The following PRKCI variants were observed in gnomAD, a reference collection of about 807,000 sequenced individuals.
PRKCI encodes protein kinase C iota type.
In PRKCI, 43 loss-of-function variants were observed where a neutral mutation model predicts 84.0. The ratio of observed to expected loss-of-function variants is 0.51; its 90% CI spans 0.40 to 0.66. The LOEUF (loss-of-function observed/expected upper bound fraction) is 0.66, where lower values mean the gene tolerates loss of function less well. PRKCI is among the 30% of genes least tolerant of loss of function. The probability of loss-of-function intolerance (pLI) is 0.00; values close to 1 mark genes in which losing one functional copy is unlikely to be tolerated. For missense variants in PRKCI, 459 were observed against 745.6 expected (o/e 0.62, Z 4.48); for synonymous variants, 216 against 234.4 (o/e 0.92, Z 0.72).
chr3:170,288,470 C>A (rs1376729286), intron 12 of PRKCI, among the ~76,000 whole-genome samples: 1 of 152,140 alleles, frequency 6.6e-6, no homozygotes, highest in African/African-American at 2.4e-5. Flanking sequence ...CTGCCTAGGG[C>A]GGGTGCAGTG....
chr3:170,241,214 T>C (rs189688629), intron 2 of PRKCI, among the ~76,000 whole-genome samples: 52 of 152,150 alleles, frequency 3.4e-4, no homozygotes, highest in African/African-American at 8.2e-4. Context: ...TCCACTCTTT[T>C]TGTTATTTTG....
At chr3:170,281,331 C>A in intron 10 of PRKCI, 68 bp downstream of exon 10, 1 of 1,247,992 alleles carries the variant, frequency 8.0e-7, no homozygotes, top group Non-Finnish European at 1.2e-6. Flanking sequence ...CAGTTAGAAC[C>A]TTTCTGCCCT....
rs143195720 is a variant in PRKCI, at chr3:170,235,914, T to C, written c.223+563T>C. On this transcript the variant is annotated intron_variant, in intron 2 of 17. Coordinates refer to ENST00000295797, the MANE Select transcript of PRKCI (RefSeq NM_002740.6). ...GTAAGCATCTCATCAAATAGTGTGA[T>C]GTTTTACTTTAATTTTGTTTTTTCT... Among the ~76,000 whole-genome samples the C allele has an allele frequency of 1.4e-3, 215 of 152,150 alleles. 3 individuals carry two copies. In the East Asian group the frequency reaches 0.036, roughly 25 times the overall value.
intron 3 of PRKCI, among the ~76,000 whole-genome samples, chr3:170,263,029 C>T (rs1352074327): frequency 6.6e-6 from 1 of 151,566 alleles, no homozygotes; most frequent in Non-Finnish European, 1.5e-5. Flanking sequence ...ATTAGCCGGG[C>T]ATGGTGGCGC....
At chr3:170,296,286 G>A (rs1734684601) in intron 15 of PRKCI, among the ~76,000 whole-genome samples, 2 of 152,074 alleles carry the variant, frequency 1.3e-5, no homozygotes, top group South Asian at 4.1e-4. Context: ...GTTAATCTTT[G>A]GGTTTAGCCA....
intron 17 of PRKCI, among the ~76,000 whole-genome samples, chr3:170,302,579 G>A (rs1577380441): frequency 6.6e-6 from 1 of 152,138 alleles, no homozygotes; most frequent in South Asian, 2.1e-4. Context: ...ATCTCCCTGC[G>A]GTGTTCTCTC....
chr3:170,255,808 T>C (rs148296919), intron 2 of PRKCI, among the ~76,000 whole-genome samples: 10 of 152,340 alleles, frequency 6.6e-5, no homozygotes, highest in African/African-American at 2.2e-4. Context: ...ATATGGCTTT[T>C]ATCGTGTTGA....
chr3:170,291,151 G>T (rs866756707), intron 12 of PRKCI, among the ~76,000 whole-genome samples: 24 of 150,586 alleles, frequency 1.6e-4, no homozygotes, highest in African/African-American at 5.9e-4. Context: ...AAAAAAAAGT[G>T]TTCTTAGGAA....
chr3:170,259,440 A>AT (rs1474706119), intron 2 of PRKCI, among the ~76,000 whole-genome samples: 2 of 152,190 alleles, frequency 1.3e-5, no homozygotes, highest in African/African-American at 4.8e-5. Context: ...CTCATGTGGT[A>AT]TTTTTATGCA....
intron 8 of PRKCI, among the ~76,000 whole-genome samples, chr3:170,276,187 A>G (rs1297921617): frequency 6.6e-6 from 1 of 151,982 alleles, no homozygotes. Flanking sequence ...AGTTCTCCCA[A>G]ATCAGCCTCT....
Position 170,270,447 on chromosome 3 carries a change from C to T in PRKCI, c.477C>T (p.Asp159=), listed in dbSNP as rs573628422. The T allele has an allele frequency of 6.2e-7, 1 of 1,613,352 alleles. No homozygotes were observed. The highest frequency in any genetic ancestry group is 1.7e-5 in the Admixed American group (1 of 59,998). ...GTGCTCACTGTGCCATCTGCACAGACCGAATATGGGGACTTGGACGCCAAG... is the reference window on the plus strand; with the variant it reads ...GTGCTCACTGTGCCATCTGCACAGATCGAATATGGGGACTTGGACGCCAAG... ...NRRAHCAICT[D]RIWGLGRQGY... Residue 159 remains aspartate (D), a synonymous_variant, in exon 6 of 18, where the codon GAC becomes GAT. Transcript: ENST00000295797.
At chr3:170,277,672 C>T (rs1205622851) in intron 8 of PRKCI, among the ~76,000 whole-genome samples, 3 of 142,764 alleles carry the variant, frequency 2.1e-5, no homozygotes, top group African/African-American at 5.3e-5. Context: ...CCAGCCTGGG[C>T]GAAAGAGCGA....
At chr3:170,259,180 T>A (rs572909675) in intron 2 of PRKCI, among the ~76,000 whole-genome samples, 12 of 152,180 alleles carry the variant, frequency 7.9e-5, no homozygotes, top group African/African-American at 2.6e-4. Context: ...AGGAATAGAT[T>A]CTGTTTGCTG....
intron 5 of PRKCI, among the ~76,000 whole-genome samples, chr3:170,269,636 A>G (rs1174825800): frequency 6.6e-6 from 1 of 152,028 alleles, no homozygotes; most frequent in Non-Finnish European, 1.5e-5. Flanking sequence ...ACAGAGCAAG[A>G]CCCTGTCTCT....
At chr3:170,223,781 T>A (rs1732558467) in intron 1 of PRKCI, among the ~76,000 whole-genome samples, 1 of 152,176 alleles carries the variant, frequency 6.6e-6, no homozygotes, top group Non-Finnish European at 1.5e-5. Context: ...CAAGCAGTGC[T>A]AGGTTGAAAT....
At chr3:170,239,789 T>G (rs1353222999) in intron 2 of PRKCI, among the ~76,000 whole-genome samples, 2 of 148,542 alleles carry the variant, frequency 1.3e-5, no homozygotes, top group Non-Finnish European at 3.0e-5. Flanking sequence ...AGAGCAGAGG[T>G]CTTGTCTGTT....
At chr3:170,286,115 C>G (rs1234489210) in intron 12 of PRKCI, among the ~76,000 whole-genome samples, 1 of 151,214 alleles carries the variant, frequency 6.6e-6, no homozygotes, top group Non-Finnish European at 1.5e-5. Context: ...TTAGTAGAGA[C>G]GGGGTTTCAC....
At chr3:170,240,474 T>G (rs904045898) in intron 2 of PRKCI, among the ~76,000 whole-genome samples, 1 of 152,194 alleles carries the variant, frequency 6.6e-6, no homozygotes, top group Non-Finnish European at 1.5e-5. Flanking sequence ...AAAGGTTAAA[T>G]TTTTCATTAA....
chr3:170,260,002 T>G lies in PRKCI; in HGVS notation c.257T>G (p.Leu86Ter), dbSNP rs750971070. The change falls in exon 3 of 18, where the codon TTA (leucine) becomes TGA (stop). Residue 86 changes from leucine (L) to a stop codon, truncating the protein, a stop_gained. Coordinates refer to ENST00000295797, the MANE Select transcript of PRKCI (RefSeq NM_002740.6). LOFTEE classifies it high-confidence loss of function. ...DPCTVSSQLE[L>*]EEAFRLYELN... ...TGTACAGTATCATCTCAGTTGGAGTTAGAAGAAGCCTTTAGACTTTATGAG... is the reference window on the plus strand; with the variant it reads ...TGTACAGTATCATCTCAGTTGGAGTGAGAAGAAGCCTTTAGACTTTATGAG... 6.2e-7 allele frequency: 1 copy of G among 1,613,178 alleles called. No individual in the cohort carries two copies. The highest frequency in any genetic ancestry group is 2.2e-5 in the East Asian group (1 of 44,742).
Sources: allele counts gnomAD v4.1 joint callset (sites outside exome capture counted in the v4.1 genomes callset), GRCh38; gene constraint gnomAD v4.1.1; transcripts MANE v1.5; gene names NCBI Gene and HGNC (gene_info 2026-07-23, HGNC 2026-07-21).